CHRM2: variants seen among roughly 807,000 people sequenced by gnomAD.
The protein encoded by CHRM2 is muscarinic acetylcholine receptor M2.
Under a neutral mutation model 25.0 loss-of-function variants are expected in CHRM2, and 8 were observed. The observed-to-expected ratio is 0.32, with a 90% CI of 0.19 to 0.58. The LOEUF is 0.58. Ranked by LOEUF, CHRM2 falls within the 20% of genes least tolerant of loss-of-function variation. The pLI, the probability that CHRM2 is intolerant of heterozygous loss-of-function variation, is 0.88. For synonymous variants in CHRM2, 202 were observed against 205.7 expected (o/e 0.98, Z 0.15); for missense variants, 440 against 567.1 (o/e 0.78, Z 2.28).
intron 2 of CHRM2, among the ~76,000 whole-genome samples, chr7:136,873,682 C>T (rs1435573122): frequency 1.3e-5 from 2 of 152,166 alleles, no homozygotes; most frequent in Non-Finnish European, 2.9e-5. Flanking sequence ...GTGTGTCAAT[C>T]GGTTCGCTAT....
chr7:136,914,893 A>G (rs1321791698), intron 2 of CHRM2, among the ~76,000 whole-genome samples: 2 of 151,912 alleles, frequency 1.3e-5, no homozygotes, highest in African/African-American at 4.8e-5. Context: ...ACTCTTAAAT[A>G]CTTTTAGTTT....
intron 2 of CHRM2, among the ~76,000 whole-genome samples, chr7:136,916,962 A>G (rs1798152469): frequency 6.6e-6 from 1 of 151,754 alleles, no homozygotes; most frequent in South Asian, 2.1e-4. Context: ...TTCTGTGTAT[A>G]TATTTTTATT....
rs1805346192 is a variant in CHRM2 at position 137,019,894 on chromosome 7, G to A, written c.*3628G>A. On this transcript the variant is annotated 3_prime_UTR_variant, in exon 4 of 4. Coordinates refer to ENST00000680005, the MANE Select transcript of CHRM2 (RefSeq NM_001006630.2). Reference sequence around the variant, plus strand: ...TCAAAATGATGGCAACAATTACTCAGCAATGCAGTCTGTTTTTATTTTCTC... The same window carrying A: ...TCAAAATGATGGCAACAATTACTCAACAATGCAGTCTGTTTTTATTTTCTC... 1.3e-5 allele frequency: 2 copies of A among 151,854 alleles called. No individual in the cohort carries two copies. Among genetic ancestry groups the A allele is most frequent in the Non-Finnish European group, 1.5e-5 (1 of 67,904 alleles). 9.4% of individuals were successfully genotyped at this position (151,854 alleles called of 1,614,324 possible).
rs1795734344 is a variant in CHRM2 at position 136,869,629 on chromosome 7, G to A, written c.-125+211G>A. On this transcript the variant is annotated intron_variant, in intron 2 of 3. Transcript: ENST00000680005. The surrounding 1 kb of genome is among the most constrained non-coding windows in gnomAD (Gnocchi z 4.9). ...GCGAGCAGTGATGGCGGGTCTGAAA[G>A]GAAGGGGCAAACGAGGCACAGCGCG... Among the ~76,000 whole-genome samples the A allele has an allele frequency of 6.6e-6, 1 of 152,190 alleles. No homozygotes were observed. The highest frequency in any genetic ancestry group is 2.4e-5 in the African/African-American group (1 of 41,460).
intron 2 of CHRM2, among the ~76,000 whole-genome samples, chr7:136,927,761 C>A (rs1798832197): frequency 6.6e-6 from 1 of 151,964 alleles, no homozygotes. Flanking sequence ...ATCAGGTATA[C>A]CTTCATTATT....
At chr7:136,877,942 A>G (rs1312675374) in intron 2 of CHRM2, among the ~76,000 whole-genome samples, 1 of 152,028 alleles carries the variant, frequency 6.6e-6, no homozygotes, top group East Asian at 1.9e-4. Flanking sequence ...CGTGAGCTAA[A>G]TAATTACCTG....
intron 2 of CHRM2, among the ~76,000 whole-genome samples, chr7:136,890,813 G>A (rs897634324): frequency 6.6e-6 from 1 of 152,082 alleles, no homozygotes; most frequent in African/African-American, 2.4e-5. Flanking sequence ...TTGTGTATAT[G>A]GGTGTATGTG....
At chr7:136,969,378 G>A (rs905963958) in intron 2 of CHRM2, among the ~76,000 whole-genome samples, 2 of 152,090 alleles carry the variant, frequency 1.3e-5, no homozygotes, top group South Asian at 2.1e-4. Flanking sequence ...CCTGATTCCC[G>A]GTTATCTTCC....
intron 2 of CHRM2, among the ~76,000 whole-genome samples, chr7:136,873,019 T>C (rs1584677863): frequency 6.6e-6 from 1 of 152,218 alleles, no homozygotes; most frequent in African/African-American, 2.4e-5. Flanking sequence ...TGCCACACAG[T>C]TCTCTTGAAG....
chr7:137,006,758 T>A (rs142887713), intron 3 of CHRM2, among the ~76,000 whole-genome samples: 3 of 152,162 alleles, frequency 2.0e-5, no homozygotes, highest in African/African-American at 7.2e-5. Flanking sequence ...GGCCTTTTTT[T>A]TCCCCCAAAA....
intron 2 of CHRM2, among the ~76,000 whole-genome samples, chr7:136,940,758 G>A (rs1357646015): frequency 6.6e-6 from 1 of 152,266 alleles, no homozygotes; most frequent in East Asian, 1.9e-4. Context: ...CTGGGTGTTA[G>A]GTACTATTAT....
Position 136,992,170 on chromosome 7 carries a change from T to C in CHRM2, c.-124-17T>C, listed in dbSNP as rs1022415771. ...TTTACTGTTTCCCACACATGTTTTG[T>C]TTCTCTTTTCTACCAGGTTGTTAGC... On this transcript the variant is annotated splice_polypyrimidine_tract_variant and intron_variant, in intron 2 of 3. Coordinates refer to ENST00000680005, the MANE Select transcript of CHRM2 (RefSeq NM_001006630.2). 1 of 152,220 alleles carries C rather than the reference T, an allele frequency of 6.6e-6. No homozygotes were observed. Among genetic ancestry groups the C allele is most frequent in the African/African-American group, 2.4e-5 (1 of 41,460 alleles). The allele number at this position is 152,220 out of a possible 1,614,324, so 9.4% of individuals were successfully genotyped here.
intron 3 of CHRM2, among the ~76,000 whole-genome samples, chr7:137,001,600 C>A (rs999221115): frequency 2.0e-5 from 3 of 152,122 alleles, no homozygotes; most frequent in African/African-American, 7.2e-5. Context: ...ACAGACCTTT[C>A]ATTTAGGGCT....
chr7:136,944,268 G>A (rs1194172834), intron 2 of CHRM2, among the ~76,000 whole-genome samples: 1 of 151,798 alleles, frequency 6.6e-6, no homozygotes, highest in Non-Finnish European at 1.5e-5. Context: ...AGTCCCCAAA[G>A]TCTATTGTAT....
intron 2 of CHRM2, among the ~76,000 whole-genome samples, chr7:136,893,053 T>C (rs1307748408): frequency 1.3e-5 from 2 of 152,178 alleles, no homozygotes; most frequent in African/African-American, 4.8e-5. Context: ...TTCTCTCTCT[T>C]GTTCTCTCTT....
Position 136,999,546 on chromosome 7 carries a change from C to A in CHRM2, c.-47+7282C>A, listed in dbSNP as rs866810015. 5.0e-4 allele frequency among the ~76,000 whole-genome samples: 76 copies of A among 151,862 alleles called. 1 individual carries two copies. Among genetic ancestry groups the A allele is most frequent in the Non-Finnish European group, 1.8e-4 (12 of 68,012 alleles). ...ATATCTCCTAATGCTATCCCTCCCC[C>A]CTCCTCCCACCCCACAACAGGCCCC... On this transcript the variant is annotated intron_variant, in intron 3 of 3. Transcript: ENST00000680005.
chr7:136,990,381 A>G (rs922285457), intron 2 of CHRM2, among the ~76,000 whole-genome samples: 1 of 152,102 alleles, frequency 6.6e-6, no homozygotes, highest in Non-Finnish European at 1.5e-5. Flanking sequence ...TCAGAACTCC[A>G]TCCCTGGCAA....
At chr7:136,903,393 C>A (rs1797347289) in intron 2 of CHRM2, 3 of 357,062 alleles carry the variant, frequency 8.4e-6, no homozygotes, top group Non-Finnish European at 1.7e-5. Flanking sequence ...AAAATGGGAA[C>A]AAAATTCACA....
chr7:136,946,163 A>C (rs2130836086), intron 2 of CHRM2, among the ~76,000 whole-genome samples: 1 of 152,280 alleles, frequency 6.6e-6, no homozygotes, highest in Admixed American at 6.5e-5. Context: ...TAAGTTATAT[A>C]ATGTATGTAA....
Sources: allele counts gnomAD v4.1 joint callset (sites outside exome capture counted in the v4.1 genomes callset), GRCh38; gene constraint gnomAD v4.1.1; non-coding constraint Gnocchi (gnomAD v3.1); transcripts MANE v1.5; gene names NCBI Gene and HGNC (gene_info 2026-07-23, HGNC 2026-07-21).